CTNS: variants seen among roughly 807,000 people sequenced by gnomAD.
The protein encoded by CTNS is cystinosin, lysosomal cystine transporter, also known as cystinosin.
Under a neutral mutation model 43.7 loss-of-function variants are expected in CTNS, and 27 were observed. The observed-to-expected ratio is 0.62, with a 90% CI of 0.46 to 0.85. The LOEUF (loss-of-function observed/expected upper bound fraction) is 0.85, where lower values mean the gene tolerates loss of function less well. Among genes scored for constraint, CTNS ranks in the 40% least tolerant of loss-of-function variants. The pLI is 0.00. For synonymous variants in CTNS, 187 were observed against 190.6 expected, an observed-to-expected ratio of 0.98 and a Z score of 0.16; for missense variants, 457 against 475.4, an observed-to-expected ratio of 0.96 and a Z score of 0.36.
chr17:3,660,036 T>A, intron 11 of CTNS, 61 bp downstream of exon 11: 1 of 1,509,838 alleles, frequency 6.6e-7, no homozygotes, highest in Non-Finnish European at 9.2e-7. Flanking sequence ...GGGCCAGCCT[T>A]CCCGGGACCT....
intron 7 of CTNS, chr17:3,655,992 C>T (rs886490223): frequency 2.6e-5 from 8 of 310,782 alleles, no homozygotes; most frequent in South Asian, 1.4e-4. Flanking sequence ...TGAGAAGGGC[C>T]GAGTCCTCCT....
intron 5 of CTNS, among the ~76,000 whole-genome samples, chr17:3,652,231 G>A (rs2076004690): frequency 6.6e-6 from 1 of 152,128 alleles, no homozygotes. Context: ...CTCCTTATTC[G>A]TAGCTGTACA....
In CTNS at chr17:3,660,629, G is replaced by A. The variant is rs141629138; in HGVS notation, c.*260G>A. ...TCTTTTCTTTAAGGCTTCAGGCAGC[G>A]CGCACAGGCTCTGGCAGCCGTCTCA... is the stretch of plus-strand genomic sequence containing the variant. On this transcript the variant is annotated 3_prime_UTR_variant, in exon 12 of 12. Coordinates refer to ENST00000046640, the MANE Select transcript of CTNS (RefSeq NM_004937.3). 23 of 1,613,402 alleles carry A rather than the reference G, an allele frequency of 1.4e-5. No homozygotes were observed. The highest frequency in any genetic ancestry group is 1.4e-5 in the Non-Finnish European group (16 of 1,180,034).
At chr17:3,660,093 C>G (rs2076251387) in intron 11 of CTNS, 118 bp downstream of exon 11, 1 of 1,458,880 alleles carries the variant, frequency 6.9e-7, no homozygotes, top group Non-Finnish European at 9.6e-7. Flanking sequence ...CAATCCAGCC[C>G]CCAAGGAGAG....
chr17:3,637,511 G>A (rs1364362905), intron 2 of CTNS, among the ~76,000 whole-genome samples, 195 bp downstream of exon 2: 3 of 150,752 alleles, frequency 2.0e-5, no homozygotes, highest in Non-Finnish European at 4.4e-5. Context: ...CTGTCACCCA[G>A]GCTGGAGTGC....
chr17:3,650,547 T>G, intron 5 of CTNS: 2 of 475,052 alleles, frequency 4.2e-6, no homozygotes, highest in South Asian at 5.7e-5. Flanking sequence ...GATCTCGGAG[T>G]GTCCAGCTAA....
At chr17:3,642,133 G>T (rs2075733213) in intron 3 of CTNS, among the ~76,000 whole-genome samples, 1 of 74,270 alleles carries the variant, frequency 1.3e-5, no homozygotes, top group Non-Finnish European at 3.0e-5. Context: ...GCATGTATGT[G>T]TGCCCGGGCG....
chr17:3,659,789 C>G, intron 10 of CTNS, 69 bp from the exon 11 acceptor site: 1 of 1,121,082 alleles, frequency 8.9e-7, no homozygotes, highest in Non-Finnish European at 1.4e-6. Context: ...GAGGGGCAGT[C>G]ACGAGGCGCA....
chr17:3,638,237 G>GTT (rs1368178587), intron 2 of CTNS, among the ~76,000 whole-genome samples: 3 of 66,022 alleles, frequency 4.5e-5, no homozygotes, highest in Non-Finnish European at 7.3e-5. Flanking sequence ...TTTTTTTTTT[G>GTT]TTTTTTTTTT....
At chr17:3,636,529 C>T (rs973116962), upstream of CTNS, 10 of 356,440 alleles carry the variant, frequency 2.8e-5, no homozygotes, top group Admixed American at 4.9e-5. Flanking sequence ...GAGGCGCTGG[C>T]GGCTCCAAGA....
At position 3,656,668 on chromosome 17, in the gene CTNS, C is replaced by A; in HGVS notation, c.562-8C>A. 6.2e-7 allele frequency: 1 copy of A among 1,613,138 alleles called. No individual in the cohort carries two copies. The highest frequency in any genetic ancestry group is 1.1e-5 in the South Asian group (1 of 91,040). On this transcript the variant is annotated splice_region_variant and splice_polypyrimidine_tract_variant and intron_variant, in intron 8 of 11. Transcript: ENST00000046640. Reference sequence around the variant, plus strand: ...CTCACCACCCAGCTTCTCCCACCCACCAAACAGGAGCAGTTTCTCCTCAAA... The same window carrying A: ...CTCACCACCCAGCTTCTCCCACCCAACAAACAGGAGCAGTTTCTCCTCAAA...
intron 3 of CTNS, among the ~76,000 whole-genome samples, chr17:3,643,150 C>G (rs557024882): frequency 4.0e-5 from 6 of 151,606 alleles, no homozygotes; most frequent in African/African-American, 1.2e-4. Context: ...CCGTCTCTAC[C>G]AAAAATACAA....
chr17:3,656,917 C>A, intron 9 of CTNS, 122 bp downstream of exon 9: 1 of 1,492,616 alleles, frequency 6.7e-7, no homozygotes, highest in Non-Finnish European at 9.1e-7. Flanking sequence ...CATCCAGGTC[C>A]TGTGCTGGGC....
At chr17:3,648,129 A>T (rs2075888643) in intron 4 of CTNS, among the ~76,000 whole-genome samples, 1 of 152,138 alleles carries the variant, frequency 6.6e-6, no homozygotes, top group Non-Finnish European at 1.5e-5. Context: ...GAAGACCTAG[A>T]ACCCTCTCCT....
chr17:3,660,282 GGTCTTCTCCATC>G lies in CTNS; in HGVS notation c.1024_1035del (p.Ser342_Phe345del), dbSNP rs745806090. ...GAGACCCAACCAAGTTTGGACTCGG[GGTCTTCTCCATC>G]GTCTTCGACGTCGTCTTCTTCATCC... is the stretch of plus-strand genomic sequence containing the variant. On this transcript the variant is annotated inframe_deletion, in exon 12 of 12. Transcript: ENST00000046640. 2 of 1,614,234 alleles carry G rather than the reference GGTCTTCTCCATC, an allele frequency of 1.2e-6. No individual in the cohort carries two copies. The highest frequency in any genetic ancestry group is 1.3e-5 in the African/African-American group (1 of 75,068).
At chr17:3,636,532 C>T (rs952992768), upstream of CTNS, 3 of 347,568 alleles carry the variant, frequency 8.6e-6, no homozygotes, top group African/African-American at 4.3e-5. Flanking sequence ...GCGCTGGCGG[C>T]TCCAAGAGTC....
At chr17:3,659,799 A>C in intron 10 of CTNS, 59 bp from the exon 11 acceptor site, 1 of 1,282,578 alleles carries the variant, frequency 7.8e-7, no homozygotes, top group Admixed American at 1.7e-5. Context: ...CACGAGGCGC[A>C]TGAGGCAGCC....
intron 11 of CTNS, 122 bp from the exon 12 acceptor site, chr17:3,660,114 G>A: frequency 6.8e-7 from 1 of 1,479,180 alleles, no homozygotes. Context: ...ACCCACCTAG[G>A]GGCCTTCGTA....
At chr17:3,656,125 C>T (rs1185812311) in intron 7 of CTNS, among the ~76,000 whole-genome samples, 3 of 86,282 alleles carry the variant, frequency 3.5e-5, no homozygotes, top group Admixed American at 1.3e-4. Flanking sequence ...CTCCACCCCT[C>T]GCCAGTCCTC....
Sources: gnomAD v4.1 joint callset for allele counts (sites outside exome capture counted in the v4.1 genomes callset) on GRCh38, gnomAD v4.1.1 for gene constraint, MANE v1.5 for transcripts, NCBI Gene and HGNC (gene_info 2026-07-23, HGNC 2026-07-21) for gene names.